Variants in ASTN2 observed in about 807,000 individuals in gnomAD.
ASTN2 encodes the protein astrotactin-2.
ASTN2 carries 54 observed loss-of-function variants against 139.8 expected under a neutral mutation model. The observed-to-expected ratio is 0.39, with a 90% CI of 0.31 to 0.48. The LOEUF (loss-of-function observed/expected upper bound fraction) is 0.48. Among genes scored for constraint, ASTN2 ranks in the 20% least tolerant of loss-of-function variants. The pLI is 0.95. For missense variants in ASTN2, 1,565 were observed against 1,725.1 expected (o/e 0.91, Z 1.64); for synonymous variants, 756 against 719.5 (o/e 1.05, Z -0.81).
At chr9:116,797,792 A>G (rs992921800) in intron 13 of ASTN2, among the ~76,000 whole-genome samples, 7 of 152,290 alleles carry the variant, frequency 4.6e-5, no homozygotes, top group Non-Finnish European at 8.8e-5. Flanking sequence ...CTAATTCTCT[A>G]TGGGACCTTG....
intron 5 of ASTN2, among the ~76,000 whole-genome samples, chr9:117,094,250 G>C (rs1476759686): frequency 6.6e-6 from 1 of 151,820 alleles, no homozygotes; most frequent in Non-Finnish European, 1.5e-5. Flanking sequence ...GGGAGAGAGG[G>C]AGACAGGGAG....
intron 7 of ASTN2, among the ~76,000 whole-genome samples, chr9:117,003,914 A>C (rs923640708): frequency 4.7e-5 from 7 of 148,502 alleles, no homozygotes; most frequent in African/African-American, 1.8e-4. Context: ...TTTGGGTAAG[A>C]ATATCCTAGA....
intron 4 of ASTN2, among the ~76,000 whole-genome samples, chr9:117,136,373 C>T (rs1253432415): frequency 6.6e-6 from 1 of 152,170 alleles, no homozygotes; most frequent in Non-Finnish European, 1.5e-5. Flanking sequence ...CTAAAATAAA[C>T]ATGCATATAC....
intron 16 of ASTN2, among the ~76,000 whole-genome samples, chr9:116,688,528 A>G (rs1184946959): frequency 2.0e-5 from 3 of 152,184 alleles, no homozygotes; most frequent in Admixed American, 2.0e-4. Flanking sequence ...ATAATCCTGA[A>G]GGAGTGTGGT....
chr9:117,163,807 T>G (rs1830607289), intron 3 of ASTN2, among the ~76,000 whole-genome samples: 1 of 152,078 alleles, frequency 6.6e-6, no homozygotes, highest in South Asian at 2.1e-4. Context: ...TTGCTATATA[T>G]TCCCATTTTA....
rs188299445 is a variant in ASTN2 at position 117,164,551 on chromosome 9, C to T, written c.1016-23073G>A. On this transcript the variant is annotated intron_variant, in intron 3 of 22. Coordinates refer to ENST00000313400, the MANE Select transcript of ASTN2 (RefSeq NM_001365068.1). ...ACAGCCTCCTGGTCTCCTTAAACCC[C>T]TGCCCCCCAATCCCCTCCAGGTAGC... 7.2e-5 allele frequency among the ~76,000 whole-genome samples: 11 copies of T among 152,180 alleles called. No individual in the cohort carries two copies. The East Asian group carries it at 2.1e-3, about 30-fold the overall frequency.
rs973380398 is a variant in ASTN2, at chr9:116,826,403, G to A, written c.2041-5620C>T. ...TGGACTATGTCCCAGGCTTGGGGCC[G>A]AGTTTGAGGTAACATGGCTGCAGCC... On this transcript the variant is annotated intron_variant, in intron 11 of 22. Coordinates refer to ENST00000313400, the MANE Select transcript of ASTN2 (RefSeq NM_001365068.1). Among the ~76,000 whole-genome samples, 10 of 152,262 alleles carry A rather than the reference G, an allele frequency of 6.6e-5. No individual in the cohort carries two copies. In the South Asian group the frequency reaches 8.3e-4, roughly 13 times the overall value.
Position 117,370,762 on chromosome 9 carries a change from A to G in ASTN2, c.442+43735T>C, listed in dbSNP as rs1272599798. Among the ~76,000 whole-genome samples, 3 of 151,990 alleles carry G rather than the reference A, an allele frequency of 2.0e-5. No homozygotes were observed. The East Asian group carries it at 5.8e-4, about 29-fold the overall frequency. Reference sequence around the variant, plus strand: ...TGCTCTGTTGGCCAGGCTGGAGTGCAGTGATGAAATCATAGCTCTCTCAAT... The same window carrying G: ...TGCTCTGTTGGCCAGGCTGGAGTGCGGTGATGAAATCATAGCTCTCTCAAT... On this transcript the variant is annotated intron_variant, in intron 1 of 22. Coordinates refer to ENST00000313400, the MANE Select transcript of ASTN2 (RefSeq NM_001365068.1).
At chr9:116,883,710 T>G (rs1833515764) in intron 10 of ASTN2, among the ~76,000 whole-genome samples, 1 of 152,214 alleles carries the variant, frequency 6.6e-6, no homozygotes. Flanking sequence ...CTTCTAACTC[T>G]TGAAAGTTCT....
intron 13 of ASTN2, among the ~76,000 whole-genome samples, chr9:116,779,668 CTAG>C (rs1454207969): frequency 6.6e-6 from 1 of 152,124 alleles, no homozygotes; most frequent in African/African-American, 2.4e-5. Flanking sequence ...AAAGTCTTCT[CTAG>C]TATTGCTAAT....
chr9:116,771,188 C>A (rs975819315), intron 13 of ASTN2, among the ~76,000 whole-genome samples: 18 of 152,172 alleles, frequency 1.2e-4, no homozygotes. Flanking sequence ...GCACTTCATG[C>A]TTCCTCTATC....
chr9:116,679,526 T>A (rs968988859), intron 16 of ASTN2, among the ~76,000 whole-genome samples: 3 of 152,176 alleles, frequency 2.0e-5, no homozygotes, highest in Non-Finnish European at 2.9e-5. Context: ...GTTAAATGAC[T>A]GTGTGCCACA....
At chr9:116,521,898 C>T (rs572595128) in intron 19 of ASTN2, among the ~76,000 whole-genome samples, 7 of 152,106 alleles carry the variant, frequency 4.6e-5, no homozygotes, top group South Asian at 2.1e-4. Context: ...AAATGGCCAA[C>T]GAGCATATAA....
At chr9:117,346,931 A>T (rs1236433910) in intron 1 of ASTN2, among the ~76,000 whole-genome samples, 1 of 152,184 alleles carries the variant, frequency 6.6e-6, no homozygotes. Context: ...AAATAAGATT[A>T]ATGCTTGACA....
At chr9:116,524,759 G>A (rs1420052890) in intron 19 of ASTN2, among the ~76,000 whole-genome samples, 2 of 152,202 alleles carry the variant, frequency 1.3e-5, no homozygotes, top group Admixed American at 6.5e-5. Context: ...TCACATGAAA[G>A]TTGGCATTCC....
chr9:116,763,899 C>T (rs1323119680), intron 13 of ASTN2, among the ~76,000 whole-genome samples: 2 of 152,126 alleles, frequency 1.3e-5, no homozygotes, highest in East Asian at 3.9e-4. Flanking sequence ...GGGAGAGAAA[C>T]AACCAGATAA....
At chr9:116,757,960 T>A (rs757986287) in intron 13 of ASTN2, among the ~76,000 whole-genome samples, 1 of 152,196 alleles carries the variant, frequency 6.6e-6, no homozygotes, top group Non-Finnish European at 1.5e-5. Context: ...AGGTGTTTGA[T>A]AAGAATTTGT....
chr9:117,037,669 C>G (rs972929982), intron 6 of ASTN2, among the ~76,000 whole-genome samples: 3 of 152,150 alleles, frequency 2.0e-5, no homozygotes, highest in African/African-American at 4.8e-5. Context: ...AACTTGAAAG[C>G]CTTTAAGGCT....
At chr9:116,516,175 A>G (rs1850640673) in intron 19 of ASTN2, among the ~76,000 whole-genome samples, 1 of 152,212 alleles carries the variant, frequency 6.6e-6, no homozygotes, top group Non-Finnish European at 1.5e-5. Flanking sequence ...TGTGACTTGC[A>G]TTGACTTATC....
Sources: allele counts gnomAD v4.1 joint callset (sites outside exome capture counted in the v4.1 genomes callset), GRCh38; gene constraint gnomAD v4.1.1; transcripts MANE v1.5; gene names NCBI Gene and HGNC (gene_info 2026-07-23, HGNC 2026-07-21).